Variants in ERBB4 observed in about 807,000 individuals in gnomAD.
ERBB4 encodes erb-b2 receptor tyrosine kinase 4.
ERBB4 carries 42 observed loss-of-function variants against 158.0 expected under a neutral mutation model. The ratio of observed to expected loss-of-function variants is 0.27; its 90% confidence interval spans 0.21 to 0.34. The LOEUF (loss-of-function observed/expected upper bound fraction) is 0.34, where lower values mean the gene tolerates loss of function less well. ERBB4 is among the 10% of genes least tolerant of loss of function. The pLI, the probability that ERBB4 is intolerant of heterozygous loss-of-function variation, is 1.00. For missense variants in ERBB4, 1,333 were observed against 1,624.1 expected (o/e 0.82, Z 3.08); for synonymous variants, 583 against 558.7 (o/e 1.04, Z -0.61).
At chr2:211,498,700 C>G (rs1373742197) in intron 20 of ERBB4, among the ~76,000 whole-genome samples, 1 of 152,040 alleles carries the variant, frequency 6.6e-6, no homozygotes, top group Non-Finnish European at 1.5e-5. Context: ...AAACTAAAAA[C>G]GGGGTCATTC....
At chr2:212,015,946 T>A (rs1009784882) in intron 2 of ERBB4, among the ~76,000 whole-genome samples, 3 of 152,034 alleles carry the variant, frequency 2.0e-5, no homozygotes, top group Non-Finnish European at 4.4e-5. Flanking sequence ...TTGCATCATA[T>A]GTTTTATACC....
At chr2:212,239,449 G>A (rs1010291012) in intron 1 of ERBB4, among the ~76,000 whole-genome samples, 1 of 152,164 alleles carries the variant, frequency 6.6e-6, no homozygotes, top group Admixed American at 6.5e-5. Flanking sequence ...GTGTTTTGTA[G>A]GGAGTAAATC....
intron 5 of ERBB4, among the ~76,000 whole-genome samples, chr2:211,731,806 A>G (rs1433582356): frequency 6.6e-6 from 1 of 152,184 alleles, no homozygotes; most frequent in Non-Finnish European, 1.5e-5. Flanking sequence ...TTACTTACAG[A>G]GCATGTGTAA....
intron 25 of ERBB4, among the ~76,000 whole-genome samples, chr2:211,393,240 ATATATAT>A (rs1307787161): frequency 6.6e-6 from 1 of 152,182 alleles, no homozygotes; most frequent in Non-Finnish European, 1.5e-5. Flanking sequence ...AGAGAAACTA[ATATATAT>A]TATGTACCTA....
At chr2:211,782,547 T>A (rs2076061924) in intron 4 of ERBB4, among the ~76,000 whole-genome samples, 1 of 152,142 alleles carries the variant, frequency 6.6e-6, no homozygotes, top group Non-Finnish European at 1.5e-5. Context: ...TAAGCAGCAG[T>A]GCCATGATGT....
At chr2:212,135,562 G>GA (rs1260732027) in intron 1 of ERBB4, among the ~76,000 whole-genome samples, 15 of 151,716 alleles carry the variant, frequency 9.9e-5, no homozygotes, top group African/African-American at 2.7e-4. Context: ...TTTCTATGTT[G>GA]AAAATAGGAA....
intron 25 of ERBB4, among the ~76,000 whole-genome samples, chr2:211,408,202 T>C (rs775534716): frequency 1.2e-4 from 18 of 152,334 alleles, no homozygotes; most frequent in South Asian, 2.1e-4. Context: ...AAACTCACAA[T>C]TGTCCTTTCT....
At position 211,725,144 on chromosome 2, in the gene ERBB4, A is replaced by C; in HGVS notation, c.673T>G (p.Tyr225Asp). The stretch of plus-strand genomic sequence containing the variant: ...TCTCGATGGCAGCAGTCACTGACGT[A>C]AGGTCCGTAGCATCTGCCGTCACAT... ...EQCDGRCYGP[Y>D]VSDCCHRECA... is the part of the protein sequence containing the mutation. The change falls in exon 6 of 28, where the codon TAC (tyrosine) becomes GAC (aspartate). Residue 225 changes from tyrosine (Y) to aspartate (D), a missense_variant. Tyr to Asp is a radical substitution (Grantham distance 160, BLOSUM62 -3). Around this residue, in one of 5 missense-constraint regions of ERBB4, gnomAD observed 438 missense variants for 586.9 expected, o/e 0.75. Coordinates refer to ENST00000342788, the MANE Select transcript of ERBB4 (RefSeq NM_005235.3). 1.2e-6 allele frequency: 2 copies of C among 1,614,140 alleles called. No homozygotes were observed. The highest frequency in any genetic ancestry group is 1.7e-6 in the Non-Finnish European group (2 of 1,180,008).
chr2:212,134,675 T>C (rs1029270328), intron 1 of ERBB4, among the ~76,000 whole-genome samples: 1 of 128,854 alleles, frequency 7.8e-6, no homozygotes, highest in Non-Finnish European at 1.6e-5. Flanking sequence ...CTAAACACTT[T>C]CTTTTTTTTT....
intron 2 of ERBB4, among the ~76,000 whole-genome samples, chr2:211,984,957 C>T (rs953848315): frequency 5.9e-5 from 9 of 152,064 alleles, no homozygotes; most frequent in African/African-American, 2.2e-4. Flanking sequence ...GTATCAAACT[C>T]CTGACCTCCG....
At chr2:211,435,697 T>C (rs1271217584) in intron 20 of ERBB4, among the ~76,000 whole-genome samples, 1 of 152,146 alleles carries the variant, frequency 6.6e-6, no homozygotes, top group African/African-American at 2.4e-5. Flanking sequence ...CTTATGAGAA[T>C]CTAACTAATG....
intron 20 of ERBB4, among the ~76,000 whole-genome samples, chr2:211,525,626 G>T (rs913932239): frequency 5.9e-5 from 9 of 152,144 alleles, no homozygotes; most frequent in African/African-American, 2.2e-4. Flanking sequence ...CTGGAGTAGG[G>T]CACCAAACAG....
At chr2:212,132,290 T>C (rs1046201195) in intron 1 of ERBB4, among the ~76,000 whole-genome samples, 6 of 152,166 alleles carry the variant, frequency 3.9e-5, no homozygotes, top group Non-Finnish European at 8.8e-5. Flanking sequence ...GAGATGCATA[T>C]GGGTGCTATG....
At chr2:211,709,254 C>CATATATATATAT (rs200613120) in intron 9 of ERBB4, among the ~76,000 whole-genome samples, 139 of 101,512 alleles carry the variant, frequency 1.4e-3, no homozygotes, top group African/African-American at 5.1e-3. Flanking sequence ...TATATATACA[C>CATATATATATAT]ATATATATAT....
At chr2:211,975,838 A>T (rs1243734354) in intron 2 of ERBB4, among the ~76,000 whole-genome samples, 2 of 152,156 alleles carry the variant, frequency 1.3e-5, no homozygotes, top group African/African-American at 4.8e-5. Flanking sequence ...AGTGTTTGGG[A>T]TTTTAAAATA....
intron 2 of ERBB4, among the ~76,000 whole-genome samples, chr2:212,028,353 G>A (rs2076822078): frequency 6.6e-6 from 1 of 152,046 alleles, no homozygotes; most frequent in African/African-American, 2.4e-5. Context: ...TGCCATAGGA[G>A]GTTTCACTTT....
intron 7 of ERBB4, among the ~76,000 whole-genome samples, chr2:211,717,565 C>T (rs1030233556): frequency 6.6e-6 from 1 of 152,148 alleles, no homozygotes; most frequent in African/African-American, 2.4e-5. Context: ...TGCGGTGGCT[C>T]ACGCCTGTAA....
intron 1 of ERBB4, among the ~76,000 whole-genome samples, chr2:212,235,951 C>A (rs1000924650): frequency 6.6e-6 from 1 of 152,048 alleles, no homozygotes; most frequent in Non-Finnish European, 1.5e-5. Context: ...ATTTGAATAC[C>A]CTTTACTTCT....
chr2:212,223,251 T>C (rs2083360203), intron 1 of ERBB4, among the ~76,000 whole-genome samples: 1 of 150,782 alleles, frequency 6.6e-6, no homozygotes, highest in Admixed American at 6.7e-5. Flanking sequence ...AAAATTTGGC[T>C]TGTTTCTTAA....
Sources: allele counts gnomAD v4.1 joint callset (sites outside exome capture counted in the v4.1 genomes callset), GRCh38; gene constraint gnomAD v4.1.1; regional missense constraint gnomAD v4.1.1; transcripts MANE v1.5; gene names NCBI Gene and HGNC (gene_info 2026-07-23, HGNC 2026-07-21).